The following PGF variants were observed in gnomAD, a reference collection of about 807,000 sequenced individuals.
The protein encoded by PGF is placenta growth factor.
PGF carries 11 observed loss-of-function variants against 25.3 expected under a neutral mutation model. The ratio of observed to expected loss-of-function variants is 0.43; its 90% CI spans 0.27 to 0.72. The LOEUF (loss-of-function observed/expected upper bound fraction) is 0.72, where lower values mean the gene tolerates loss of function less well. Ranked by LOEUF, PGF falls within the 30% of genes least tolerant of loss-of-function variation. PGF has a pLI of 0.18. For missense variants in PGF, 230 were observed against 234.9 expected (o/e 0.98, Z 0.14); for synonymous variants, 105 against 97.9 (o/e 1.07, Z -0.43).
intron 2 of PGF, among the ~76,000 whole-genome samples, chr14:74,951,063 G>A (rs890640265): frequency 6.6e-6 from 1 of 152,202 alleles, no homozygotes; most frequent in Non-Finnish European, 1.5e-5. Context: ...AGAGGCCCTC[G>A]GGAAAGGCTG....
intron 6 of PGF, among the ~76,000 whole-genome samples, chr14:74,943,706 G>A (rs1002399811): frequency 6.6e-6 from 1 of 152,202 alleles, no homozygotes; most frequent in African/African-American, 2.4e-5. Context: ...TAATTGAAAC[G>A]AGGTAGCCAC....
At position 74,944,324 on chromosome 14, in the gene PGF, G is replaced by A. The variant is rs577840933; in HGVS notation, c.486-1591C>T. Among the ~76,000 whole-genome samples, 20 of 151,904 alleles carry A rather than the reference G, an allele frequency of 1.3e-4. No homozygotes were observed. In the South Asian group the frequency reaches 2.7e-3, roughly 21 times the overall value. ...TCACCATGTTAGCCAGGATGGTCTCGATCTCCTAACCTTGCGATCCGCCCG... is the reference window on the plus strand; with the variant it reads ...TCACCATGTTAGCCAGGATGGTCTCAATCTCCTAACCTTGCGATCCGCCCG... On this transcript the variant is annotated intron_variant, in intron 6 of 6. Coordinates refer to ENST00000555567, the MANE Select transcript of PGF (RefSeq NM_002632.6).
At chr14:74,952,824 C>T (rs575630962) in intron 2 of PGF, among the ~76,000 whole-genome samples, 8 of 152,234 alleles carry the variant, frequency 5.3e-5, no homozygotes, top group African/African-American at 1.9e-4. Context: ...TTTTCAATCT[C>T]GGAAAAAGAA....
At position 74,950,252 on chromosome 14, in the gene PGF, A is replaced by G. The variant is rs954727048; in HGVS notation, c.119-699T>C. On this transcript the variant is annotated intron_variant, in intron 2 of 6. Coordinates refer to ENST00000555567, the MANE Select transcript of PGF (RefSeq NM_002632.6). The surrounding 1 kb of genome is among the most constrained non-coding windows in gnomAD (Gnocchi z 4.1). Reference sequence around the variant, plus strand: ...ACCTGCCTCCCCACCTCCTCTTTGAAGACTTCCCCAGCAATTCCAGTGCAC... The same window carrying G: ...ACCTGCCTCCCCACCTCCTCTTTGAGGACTTCCCCAGCAATTCCAGTGCAC... 1.3e-5 allele frequency among the ~76,000 whole-genome samples: 2 copies of G among 152,156 alleles called. No individual in the cohort carries two copies. The highest frequency in any genetic ancestry group is 2.9e-5 in the Non-Finnish European group (2 of 68,028).
At chr14:74,952,095 TC>T (rs1019092330) in intron 2 of PGF, among the ~76,000 whole-genome samples, 1 of 151,856 alleles carries the variant, frequency 6.6e-6, no homozygotes, top group Admixed American at 6.6e-5. Context: ...CCAGGGCTGC[TC>T]CTGAGGCTGC....
chr14:74,942,556 C>A lies in PGF; in HGVS notation c.*150G>T, dbSNP rs1423279256. ...CTGAATTCCTGAGGGTCCTGTCCTT[C>A]CCTGCCCCTCGTCTTGAAGGGAGCG... On this transcript the variant is annotated 3_prime_UTR_variant, in exon 7 of 7. Coordinates refer to ENST00000555567, the MANE Select transcript of PGF (RefSeq NM_002632.6). 3.3e-5 allele frequency: 25 copies of A among 762,254 alleles called. No individual in the cohort carries two copies. The highest frequency in any genetic ancestry group is 5.2e-5 in the Non-Finnish European group (23 of 441,472). The allele number at this position is 762,254 out of a possible 1,614,324, so 47.2% of individuals were successfully genotyped here.
At chr14:74,946,566 T>G in intron 4 of PGF, 158 bp from the exon 5 acceptor site, 1 of 678,796 alleles carries the variant, frequency 1.5e-6, no homozygotes, top group Non-Finnish European at 2.5e-6. Flanking sequence ...AAGGGAGAGG[T>G]GGCCAGAGCC....
chr14:74,955,177 C>T lies in PGF; in HGVS notation c.66G>A (p.Val22=). 3.4e-6 allele frequency: 5 copies of T among 1,476,210 alleles called. No individual in the cohort carries two copies. Among genetic ancestry groups the T allele is most frequent in the Non-Finnish European group, 4.5e-6 (5 of 1,104,438 alleles). 91.4% of individuals were successfully genotyped at this position (1,476,210 alleles called of 1,614,324 possible). The change falls in exon 1 of 7, where the codon GTG becomes GTA. Residue 22 remains valine (V), a synonymous_variant. Coordinates refer to ENST00000555567, the MANE Select transcript of PGF (RefSeq NM_002632.6). This position sits in a 1 kb window ranked among gnomAD's most constrained non-coding sequence, Gnocchi z 4.1. ...TGGGGGTAGCTCTTACCTGGGGGGG[C>T]ACAGCAGGCAGCGCCAGCCCGGCCA... ...QLLAGLALPA[V]PPQQWALSAG... is the part of the protein sequence containing the mutation.
rs1381221107 is a variant in PGF at position 74,953,634 on chromosome 14, A to C, written c.118+270T>G. 6.6e-6 allele frequency among the ~76,000 whole-genome samples: 1 copy of C among 152,108 alleles called. No individual in the cohort carries two copies. Among genetic ancestry groups the C allele is most frequent in the African/African-American group, 2.4e-5 (1 of 41,406 alleles). On this transcript the variant is annotated intron_variant, in intron 2 of 6. Transcript: ENST00000555567. This position sits in a 1 kb window ranked among gnomAD's most constrained non-coding sequence, Gnocchi z 5.4. ...CCATACCCTTAAATCATGCTGGGGA[A>C]GGGCTCTGAGCCAGCTGGATGAACC... is the stretch of plus-strand genomic sequence containing the variant.
At chr14:74,951,866 T>G (rs1430578204) in intron 2 of PGF, among the ~76,000 whole-genome samples, 1 of 151,806 alleles carries the variant, frequency 6.6e-6, no homozygotes, top group Non-Finnish European at 1.5e-5. Flanking sequence ...TATGGGTGTG[T>G]GGGAGAAACA....
intron 1 of PGF, 164 bp from the exon 2 acceptor site, chr14:74,954,110 T>C (rs533688560): frequency 3.0e-6 from 2 of 658,572 alleles, no homozygotes; most frequent in African/African-American, 1.8e-5. Flanking sequence ...AAAAACTCAC[T>C]GGACCCTGGG....
Position 74,950,513 on chromosome 14 carries a change from T to TG in PGF, c.119-961dup, listed in dbSNP as rs1888849257. ...CCTGGCGATCGTGAATGGGATCTTT[T>TG]GGGGGCTGATCTGGAATCCCTCAAA... On this transcript the variant is annotated intron_variant, in intron 2 of 6. Coordinates refer to ENST00000555567, the MANE Select transcript of PGF (RefSeq NM_002632.6). The surrounding 1 kb of genome is among the most constrained non-coding windows in gnomAD (Gnocchi z 4.1). Among the ~76,000 whole-genome samples the TG allele has an allele frequency of 6.6e-6, 1 of 152,308 alleles. No homozygotes were observed. The highest frequency in any genetic ancestry group is 2.1e-4 in the South Asian group (1 of 4,826).
chr14:74,942,497 T>C lies in PGF; in HGVS notation c.*209A>G. ...GCGGAAGCTCCCAGGGGTCTGTGGCTGGCTTCTCTCTTTCTCTCACGTTGT... is the reference window on the plus strand; with the variant it reads ...GCGGAAGCTCCCAGGGGTCTGTGGCCGGCTTCTCTCTTTCTCTCACGTTGT... On this transcript the variant is annotated 3_prime_UTR_variant, in exon 7 of 7. Transcript: ENST00000555567. 1.7e-6 allele frequency: 1 copy of C among 594,314 alleles called. No homozygotes were observed. Among genetic ancestry groups the C allele is most frequent in the Non-Finnish European group, 3.0e-6 (1 of 337,226 alleles). 36.8% of individuals were successfully genotyped at this position (594,314 alleles called of 1,614,324 possible).
intron 6 of PGF, among the ~76,000 whole-genome samples, chr14:74,943,016 A>C (rs1888639949): frequency 6.6e-6 from 1 of 152,208 alleles, no homozygotes; most frequent in African/African-American, 2.4e-5. Context: ...GAAGATTAGG[A>C]AACTGAGGCC....
Position 74,946,418 on chromosome 14 carries a change from C to A in PGF, c.393-10G>T, listed in dbSNP as rs1219168658. Reference sequence around the variant, plus strand: ...CTTCTCCCGCAGAGGCCTAGGGAAACAGACAGAGAGAGGGGCAGAGGAACG... The same window carrying A: ...CTTCTCCCGCAGAGGCCTAGGGAAAAAGACAGAGAGAGGGGCAGAGGAACG... On this transcript the variant is annotated splice_polypyrimidine_tract_variant and intron_variant, in intron 4 of 6. Coordinates refer to ENST00000555567, the MANE Select transcript of PGF (RefSeq NM_002632.6). 1.2e-6 allele frequency: 2 copies of A among 1,605,848 alleles called. No individual in the cohort carries two copies. Among genetic ancestry groups the A allele is most frequent in the Admixed American group, 3.4e-5 (2 of 59,308 alleles).
intron 1 of PGF, chr14:74,954,234 G>A: frequency 2.2e-6 from 1 of 453,306 alleles, no homozygotes. Flanking sequence ...TTCCAATCCT[G>A]CGGGTCTGCC....
At chr14:74,954,847 AAGGCCAGGG>A (rs1291505450) in intron 1 of PGF, among the ~76,000 whole-genome samples, 2 of 151,978 alleles carry the variant, frequency 1.3e-5, no homozygotes, top group African/African-American at 2.4e-5. Context: ...CCCTGACCAC[AAGGCCAGGG>A]ACCCGCCTGG....
intron 4 of PGF, 109 bp from the exon 5 acceptor site, chr14:74,946,517 G>T: frequency 9.2e-7 from 1 of 1,088,672 alleles, no homozygotes; most frequent in Non-Finnish European, 1.3e-6. Context: ...TGGTCCTGCA[G>T]CTGACACTGA....
In PGF at chr14:74,942,721, A is replaced by T. The variant is rs1409471945; in HGVS notation, c.498T>A (p.Ala166=). ...RPTDCHLCGD[A]VPRR ...AAGGGGTGGGTTACCTCCGGGGAACAGCATCGCCGCACCTGCCAGAGACCA... is the reference window on the plus strand; with the variant it reads ...AAGGGGTGGGTTACCTCCGGGGAACTGCATCGCCGCACCTGCCAGAGACCA... Residue 166 remains alanine, a synonymous_variant, in exon 7 of 7, where the codon GCT becomes GCA. Transcript: ENST00000555567. 2 of 1,611,498 alleles carry T rather than the reference A, an allele frequency of 1.2e-6. No individual in the cohort carries two copies. The highest frequency in any genetic ancestry group is 1.7e-6 in the Non-Finnish European group (2 of 1,179,032).
Sources: gnomAD v4.1 joint callset for allele counts (sites outside exome capture counted in the v4.1 genomes callset) on GRCh38, gnomAD v4.1.1 for gene constraint, Gnocchi (gnomAD v3.1) non-coding constraint, MANE v1.5 for transcripts, NCBI Gene and HGNC (gene_info 2026-07-23, HGNC 2026-07-21) for gene names.